AMBRA1: variants seen among roughly 807,000 people sequenced by gnomAD.
The protein encoded by AMBRA1 is autophagy and beclin 1 regulator 1.
In AMBRA1, 47 loss-of-function variants were observed where a neutral mutation model predicts 125.4. That is an observed-to-expected ratio of 0.37 (90% CI 0.30 to 0.48). The LOEUF is 0.48. Among genes scored for constraint, AMBRA1 ranks in the 20% least tolerant of loss-of-function variants. The probability of loss-of-function intolerance (pLI) is 0.99; values close to 1 mark genes in which losing one functional copy is unlikely to be tolerated. For synonymous variants in AMBRA1, 626 were observed against 655.5 expected (o/e 0.95, Z 0.69); for missense variants, 1,331 against 1,693.4 (o/e 0.79, Z 3.76).
intron 1 of AMBRA1, among the ~76,000 whole-genome samples, chr11:46,583,678 A>AAAAAAAAAAAAAAAC (rs2044263238): frequency 1.4e-5 from 2 of 144,624 alleles, no homozygotes; most frequent in East Asian, 1.9e-4. Context: ...AAAAAAAAAA[A>AAAAAAAAAAAAAAAC]ACAACAAAAC....
chr11:46,552,368 C>CAAAAAAAAAAAAAAAAA (rs56090695), intron 1 of AMBRA1, among the ~76,000 whole-genome samples: 1 of 11,992 alleles, frequency 8.3e-5, no homozygotes, highest in African/African-American at 2.4e-4. Context: ...GACTCCATCT[C>CAAAAAAAAAAAAAAAAA]AAAAAAAAAA....
rs746646452 is a variant in AMBRA1, at chr11:46,408,630, C to T, written c.3286G>A (p.Ala1096Thr). Residue 1096 changes from alanine to threonine, a missense_variant, in exon 17 of 18, where the codon GCC (alanine) becomes ACC (threonine). Ala to Thr is a moderately conservative substitution (Grantham distance 58). Around this residue, in one of 4 missense-constraint regions of AMBRA1, gnomAD observed 354 missense variants for 532.7 expected, o/e 0.66. Coordinates refer to ENST00000683756, the MANE Select transcript of AMBRA1 (RefSeq NM_001387011.1). ...NAIGLQPRNP[A>T]TSVTSQGTQT... is the part of the protein sequence containing the mutation. Reference sequence around the variant, plus strand: ...GTGCCCTGAGATGTCACTGAGGTGGCAGGGTTCCGGGGCTGAAGCCCAATG... The same window carrying T: ...GTGCCCTGAGATGTCACTGAGGTGGTAGGGTTCCGGGGCTGAAGCCCAATG... 1.3e-5 allele frequency: 21 copies of T among 1,608,960 alleles called. No homozygotes were observed. The East Asian group carries it at 1.8e-4, about 14-fold the overall frequency.
chr11:46,497,459 C>T (rs1950677314), intron 9 of AMBRA1, among the ~76,000 whole-genome samples: 1 of 152,172 alleles, frequency 6.6e-6, no homozygotes, highest in African/African-American at 2.4e-5. Context: ...AGCTAAATGT[C>T]ATCTCAATAC....
chr11:46,437,691 T>C (rs1371650765), intron 12 of AMBRA1, among the ~76,000 whole-genome samples: 3 of 152,224 alleles, frequency 2.0e-5, no homozygotes, highest in Non-Finnish European at 2.9e-5. Flanking sequence ...TTTTGATGAG[T>C]TAATTCATAC....
chr11:46,527,708 C>T (rs1014275636), intron 7 of AMBRA1, among the ~76,000 whole-genome samples: 2 of 151,736 alleles, frequency 1.3e-5, no homozygotes, highest in African/African-American at 4.8e-5. Context: ...AGATGCTGAA[C>T]ATGACTAATC....
chr11:46,554,730 G>A (rs2043113527), intron 1 of AMBRA1, among the ~76,000 whole-genome samples: 1 of 152,182 alleles, frequency 6.6e-6, no homozygotes, highest in Non-Finnish European at 1.5e-5. Flanking sequence ...TGCTGATGAG[G>A]AGAAAATGCC....
intron 17 of AMBRA1, among the ~76,000 whole-genome samples, chr11:46,406,919 G>A (rs922306785): frequency 3.3e-5 from 5 of 151,724 alleles, no homozygotes; most frequent in African/African-American, 7.3e-5. Context: ...GGTGGCTCAC[G>A]CCTTTAATCC....
At chr11:46,531,871 AC>A (rs1353806548) in intron 7 of AMBRA1, among the ~76,000 whole-genome samples, 1 of 152,090 alleles carries the variant, frequency 6.6e-6, no homozygotes, top group Non-Finnish European at 1.5e-5. Flanking sequence ...TAATCCCAAT[AC>A]TTTGGGAGGC....
intron 9 of AMBRA1, among the ~76,000 whole-genome samples, chr11:46,505,106 G>A (rs1174492013): frequency 6.6e-6 from 1 of 152,176 alleles, no homozygotes; most frequent in East Asian, 1.9e-4. Context: ...CTGTCTTAAT[G>A]GTAACCTAAT....
intron 1 of AMBRA1, among the ~76,000 whole-genome samples, chr11:46,558,707 CA>C (rs2043236441): frequency 6.6e-6 from 1 of 151,892 alleles, no homozygotes; most frequent in Non-Finnish European, 1.5e-5. Context: ...TTTAGGTAAC[CA>C]AAGATATCTC....
rs61882717 is a variant in AMBRA1 at position 46,512,909 on chromosome 11, C to T, written c.2073-96G>A. On this transcript the variant is annotated intron_variant, in intron 7 of 17. Transcript: ENST00000683756. ...TGAGGGAGAGATATATAACTTTCCCCTTTTGCAGCCAGCTAACGCCTGTTA... is the reference window on the plus strand; with the variant it reads ...TGAGGGAGAGATATATAACTTTCCCTTTTTGCAGCCAGCTAACGCCTGTTA... 12 of 1,106,920 alleles carry T rather than the reference C, an allele frequency of 1.1e-5. No individual in the cohort carries two copies. The South Asian group carries it at 1.9e-4, about 18-fold the overall frequency. 68.6% of individuals were successfully genotyped at this position (1,106,920 alleles called of 1,614,324 possible). A position where few individuals can be genotyped will look rare whatever the true frequency, so the allele number is the denominator to read the frequency against.
intron 11 of AMBRA1, among the ~76,000 whole-genome samples, chr11:46,457,424 A>T (rs1318341363): frequency 6.6e-6 from 1 of 152,204 alleles, no homozygotes; most frequent in African/African-American, 2.4e-5. Flanking sequence ...GGGGGGAAAA[A>T]TTTAACGGTT....
intron 1 of AMBRA1, among the ~76,000 whole-genome samples, chr11:46,583,121 C>A (rs1341462954): frequency 6.6e-6 from 1 of 152,040 alleles, no homozygotes; most frequent in Non-Finnish European, 1.5e-5. Context: ...CTACAGTAAC[C>A]AAAACAGCAT....
chr11:46,517,660 ATG>A (rs1275728508), intron 7 of AMBRA1, among the ~76,000 whole-genome samples: 3 of 148,914 alleles, frequency 2.0e-5, no homozygotes, highest in African/African-American at 7.4e-5. Flanking sequence ...TGGTGAAACC[ATG>A]TCTCTACTAA....
intron 1 of AMBRA1, among the ~76,000 whole-genome samples, chr11:46,588,066 C>T (rs929365579): frequency 6.6e-6 from 1 of 152,176 alleles, no homozygotes; most frequent in Admixed American, 6.5e-5. Context: ...GGTGCTGTGG[C>T]TCATGCATGT....
At chr11:46,491,155 AAAAC>A (rs1337300935) in intron 11 of AMBRA1, 1 of 152,234 alleles carries the variant, frequency 6.6e-6, no homozygotes, top group Non-Finnish European at 1.5e-5. Context: ...TAGAATAATT[AAAAC>A]AAACAAGAAA....
rs921713593 is a variant in AMBRA1, at chr11:46,397,365, C to T, written c.*85G>A. On this transcript the variant is annotated 3_prime_UTR_variant, in exon 18 of 18. Transcript: ENST00000683756. ...CTGTTCCCTGATGCAGCCAGCAGCT[C>T]TTCCACATGTCCAGTTCCCAGTCAG... The T allele has an allele frequency of 6.4e-6, 9 of 1,406,954 alleles. No individual in the cohort carries two copies. The South Asian group carries it at 1.7e-4, about 27-fold the overall frequency. 87.2% of individuals were successfully genotyped at this position (1,406,954 alleles called of 1,614,324 possible).
intron 17 of AMBRA1, among the ~76,000 whole-genome samples, chr11:46,402,507 G>A (rs768277800): frequency 6.6e-6 from 1 of 152,048 alleles, no homozygotes; most frequent in South Asian, 2.1e-4. Context: ...GATTACATGT[G>A]TGCACCACCA....
At chr11:46,583,650 TCCAAAAA>T (rs1266859883) in intron 1 of AMBRA1, among the ~76,000 whole-genome samples, 17 of 18,088 alleles carry the variant, frequency 9.4e-4, no homozygotes, top group Non-Finnish European at 3.3e-3. Flanking sequence ...CAAACAAATT[TCCAAAAA>T]AAAAAAAAAA....
Sources: gnomAD v4.1 joint callset for allele counts (sites outside exome capture counted in the v4.1 genomes callset) on GRCh38, gnomAD v4.1.1 for gene constraint, gnomAD v4.1.1 regional missense constraint, MANE v1.5 for transcripts, NCBI Gene and HGNC (gene_info 2026-07-23, HGNC 2026-07-21) for gene names.